LGMN: variants seen among roughly 807,000 people sequenced by gnomAD.
The protein encoded by LGMN is legumain, also known as asparaginyl endopeptidase.
Under a neutral mutation model 56.8 loss-of-function variants are expected in LGMN, and 36 were observed. That is an observed-to-expected ratio of 0.63 (90% CI 0.49 to 0.84). The LOEUF (loss-of-function observed/expected upper bound fraction) is 0.84. Ranked by LOEUF, LGMN falls within the 40% of genes least tolerant of loss-of-function variation. The pLI is 0.00. For missense variants in LGMN, 446 were observed against 556.1 expected (o/e 0.80, Z 1.99); for synonymous variants, 199 against 210.1 (o/e 0.95, Z 0.46).
chr14:92,742,299 T>C (rs969600630), intron 1 of LGMN, among the ~76,000 whole-genome samples: 1 of 102,886 alleles, frequency 9.7e-6, no homozygotes, highest in Non-Finnish European at 1.9e-5. Flanking sequence ...TTGCTTTTTT[T>C]TTTTTTCTTT....
chr14:92,708,626 C>T (rs1013992178), intron 11 of LGMN, among the ~76,000 whole-genome samples: 5 of 151,822 alleles, frequency 3.3e-5, no homozygotes, highest in Non-Finnish European at 7.4e-5. Flanking sequence ...CTTGCCTAGA[C>T]GGGTGGATCA....
intron 3 of LGMN, among the ~76,000 whole-genome samples, chr14:92,717,735 G>A (rs914534588): frequency 2.6e-5 from 4 of 152,154 alleles, no homozygotes; most frequent in Admixed American, 6.5e-5. Flanking sequence ...GCTGCCTGCT[G>A]GAAACCAGAG....
At position 92,708,856 on chromosome 14, in the gene LGMN, C is replaced by CAAAAAAAAAAAAAAA. The variant is rs58813848; in HGVS notation, c.1020+801_1020+815dup. On this transcript the variant is annotated intron_variant, in intron 11 of 13. Coordinates refer to ENST00000334869, the MANE Select transcript of LGMN (RefSeq NM_005606.7). ...TGGCGACAGAGCAAGACTCTTGTCT[C>CAAAAAAAAAAAAAAA]AAAAAAAAAAAAAAAAAAAAAAAAA... Among the ~76,000 whole-genome samples the CAAAAAAAAAAAAAAA allele has an allele frequency of 6.6e-3, 476 of 71,602 alleles. 41 individuals carry two copies. Among genetic ancestry groups the CAAAAAAAAAAAAAAA allele is most frequent in the Non-Finnish European group, 0.01 (362 of 35,952 alleles). 47.0% of individuals were successfully genotyped at this position (71,602 alleles called of 152,430 possible). A position where few individuals can be genotyped will look rare whatever the true frequency, so the allele number is the denominator to read the frequency against.
At chr14:92,733,523 T>A (rs577497549) in intron 1 of LGMN, among the ~76,000 whole-genome samples, 2 of 152,306 alleles carry the variant, frequency 1.3e-5, no homozygotes, top group African/African-American at 4.8e-5. Flanking sequence ...TAAAATAAAC[T>A]GTGCAGGCTG....
At chr14:92,734,335 T>C (rs888355005) in intron 1 of LGMN, among the ~76,000 whole-genome samples, 1 of 152,128 alleles carries the variant, frequency 6.6e-6, no homozygotes, top group Non-Finnish European at 1.5e-5. Context: ...TTATTATTAC[T>C]GAGGCCGGGC....
chr14:92,715,918 C>T (rs1890051779), intron 5 of LGMN: 2 of 364,776 alleles, frequency 5.5e-6, no homozygotes, highest in Non-Finnish European at 1.0e-5. Context: ...TAATGAGGGG[C>T]CCTGGATCAT....
intron 1 of LGMN, among the ~76,000 whole-genome samples, chr14:92,734,737 G>A (rs1301105703): frequency 6.6e-6 from 1 of 152,202 alleles, no homozygotes; most frequent in Non-Finnish European, 1.5e-5. Context: ...AAGTATAAAC[G>A]GAAAACAGCA....
At chr14:92,718,980 T>TA in intron 2 of LGMN, 136 bp from the exon 3 acceptor site, 2 of 591,712 alleles carry the variant, frequency 3.4e-6, no homozygotes. Context: ...ATTATTATTT[T>TA]AAAACACATA....
At position 92,711,921 on chromosome 14, in the gene LGMN, C is replaced by T. The variant is rs753838339; in HGVS notation, c.645G>A (p.Ser215=). ...TCTCATCATAGTAACAGGCGTAGGA[C>T]GACTCTCTGGGGTTGGCAGCAGTAG... ...YATTAANPRE[S]SYACYYDEKR... The change falls in exon 9 of 14, where the codon TCG becomes TCA. Residue 215 remains serine (S), a synonymous_variant. Transcript: ENST00000334869. 1.6e-5 allele frequency: 26 copies of T among 1,613,946 alleles called. No homozygotes were observed. Among genetic ancestry groups the T allele is most frequent in the East Asian group, 8.9e-5 (4 of 44,894 alleles).
At chr14:92,705,223 C>T (rs1291345176) in intron 12 of LGMN, among the ~76,000 whole-genome samples, 5 of 152,110 alleles carry the variant, frequency 3.3e-5, no homozygotes, top group Non-Finnish European at 5.9e-5. Flanking sequence ...AAGACTGGGC[C>T]GGGTGCGGTG....
chr14:92,737,068 T>C, intron 1 of LGMN, among the ~76,000 whole-genome samples: 1 of 152,066 alleles, frequency 6.6e-6, no homozygotes, highest in East Asian at 1.9e-4. Context: ...AGGGTAGGGG[T>C]AGGCTAACTT....
At chr14:92,744,567 T>C (rs930131453) in intron 1 of LGMN, among the ~76,000 whole-genome samples, 9 of 152,170 alleles carry the variant, frequency 5.9e-5, no homozygotes, top group African/African-American at 1.9e-4. Flanking sequence ...AATGACTTTA[T>C]CTTTTTTTTA....
intron 2 of LGMN, among the ~76,000 whole-genome samples, chr14:92,729,772 A>C (rs1191058365): frequency 6.6e-6 from 1 of 152,208 alleles, no homozygotes; most frequent in Admixed American, 6.5e-5. Context: ...AAAGTCAAGA[A>C]GGCAAATGGC....
chr14:92,713,042 C>T (rs561068145), intron 7 of LGMN, among the ~76,000 whole-genome samples, 171 bp from the exon 8 acceptor site: 1 of 152,290 alleles, frequency 6.6e-6, no homozygotes, highest in South Asian at 2.1e-4. Flanking sequence ...GAAGCTGCTG[C>T]CACACAAATT....
intron 1 of LGMN, among the ~76,000 whole-genome samples, chr14:92,746,263 ATTAT>A (rs745818165): frequency 2.1e-4 from 32 of 152,322 alleles, no homozygotes; most frequent in African/African-American, 7.2e-4. Flanking sequence ...TTATCATATG[ATTAT>A]TTAACCATTC....
chr14:92,740,038 G>C (rs1779108711), intron 1 of LGMN, among the ~76,000 whole-genome samples: 1 of 152,148 alleles, frequency 6.6e-6, no homozygotes, highest in African/African-American at 2.4e-5. Context: ...ATCACCTGAG[G>C]TCGGGAGTTC....
At position 92,706,673 on chromosome 14, in the gene LGMN, G is replaced by A. The variant is rs375416420; in HGVS notation, c.1021-20C>T. On this transcript the variant is annotated intron_variant, in intron 11 of 13. Coordinates refer to ENST00000334869, the MANE Select transcript of LGMN (RefSeq NM_005606.7). ...CCTGGCCTGGGGAGAAACGCGGCCT[G>A]TCAGAATGTGCCTCCCTGAATGCGG... 4.5e-6 allele frequency: 7 copies of A among 1,547,090 alleles called. No individual in the cohort carries two copies. Among genetic ancestry groups the A allele is most frequent in the Non-Finnish European group, 6.2e-6 (7 of 1,133,098 alleles).
chr14:92,719,336 CCAT>C (rs1171288590), intron 2 of LGMN, among the ~76,000 whole-genome samples: 4,461 of 102,548 alleles, frequency 0.044, 241 homozygotes, highest in Middle Eastern at 0.086. Context: ...ACCGCCACCG[CCAT>C]CACCGCCACC....
intron 1 of LGMN, among the ~76,000 whole-genome samples, chr14:92,735,398 G>A (rs1466309291): frequency 6.6e-6 from 1 of 152,094 alleles, no homozygotes; most frequent in African/African-American, 2.4e-5. Flanking sequence ...GTGGAGACAG[G>A]GTTTCGCCAT....
Sources: allele counts gnomAD v4.1 joint callset (sites outside exome capture counted in the v4.1 genomes callset), GRCh38; gene constraint gnomAD v4.1.1; transcripts MANE v1.5; gene names NCBI Gene and HGNC (gene_info 2026-07-23, HGNC 2026-07-21).